The following SCFD2 variants were observed in gnomAD, a reference collection of about 807,000 sequenced individuals.
The protein encoded by SCFD2 is sec1 family domain-containing protein 2.
A neutral mutation model predicts 58.9 loss-of-function variants in SCFD2; 54 were observed. That is an observed-to-expected ratio of 0.92 (90% confidence interval 0.74 to 1.15). The LOEUF (loss-of-function observed/expected upper bound fraction) is 1.15. SCFD2 is among the 50% of genes most tolerant of loss of function. The pLI is 0.00. For synonymous variants in SCFD2, 321 were observed against 335.9 expected (o/e 0.96, Z 0.49); for missense variants, 805 against 836.6 (o/e 0.96, Z 0.47).
intron 5 of SCFD2, among the ~76,000 whole-genome samples, chr4:52,931,700 T>A (rs1203030403): frequency 6.6e-6 from 1 of 152,132 alleles, no homozygotes; most frequent in African/African-American, 2.4e-5. Context: ...ATTTCCCCAG[T>A]GTATAGTTTC....
intron 5 of SCFD2, chr4:52,955,935 G>C: frequency 2.5e-6 from 1 of 397,170 alleles, no homozygotes; most frequent in Non-Finnish European, 5.0e-6. Context: ...AAGGACAGAA[G>C]ATAATCCCTT....
At chr4:53,298,997 A>G (rs371269366) in intron 3 of SCFD2, among the ~76,000 whole-genome samples, 2 of 152,192 alleles carry the variant, frequency 1.3e-5, no homozygotes, top group African/African-American at 4.8e-5. Context: ...GATGGGGAAA[A>G]AACAGAGCAG....
At chr4:53,144,315 AATATATGTGTGT>A (rs1222095256) in intron 5 of SCFD2, among the ~76,000 whole-genome samples, 1 of 151,190 alleles carries the variant, frequency 6.6e-6, no homozygotes, top group Non-Finnish European at 1.5e-5. Flanking sequence ...ACACATATGT[AATATATGTGTGT>A]ATATATGTGT....
chr4:53,123,187 C>G (rs1235156121), intron 5 of SCFD2, among the ~76,000 whole-genome samples: 2 of 152,054 alleles, frequency 1.3e-5, no homozygotes, highest in Non-Finnish European at 2.9e-5. Context: ...ATGTTTCTGT[C>G]CCCCCATTTC....
chr4:52,989,958 C>G (rs1721582283), intron 5 of SCFD2, among the ~76,000 whole-genome samples: 1 of 152,326 alleles, frequency 6.6e-6, no homozygotes. Context: ...CCCTCCCTCC[C>G]ATCCTTCATG....
intron 3 of SCFD2, among the ~76,000 whole-genome samples, chr4:53,286,157 G>A (rs942457599): frequency 2.6e-5 from 4 of 152,176 alleles, no homozygotes; most frequent in Non-Finnish European, 4.4e-5. Flanking sequence ...GTTCCCTAAG[G>A]GGCACTCCAT....
At chr4:52,901,217 C>A (rs1560475313) in intron 7 of SCFD2, among the ~76,000 whole-genome samples, 1 of 152,210 alleles carries the variant, frequency 6.6e-6, no homozygotes, top group Non-Finnish European at 1.5e-5. Flanking sequence ...GCAGAAACCA[C>A]CCATCTTCTG....
At chr4:53,090,463 A>G (rs1724436514) in intron 5 of SCFD2, among the ~76,000 whole-genome samples, 1 of 152,188 alleles carries the variant, frequency 6.6e-6, no homozygotes, top group African/African-American at 2.4e-5. Context: ...CATTGAGGGC[A>G]GTGATTGTAT....
Position 53,118,820 on chromosome 4 carries a change from T to G in SCFD2, c.1561+26513A>C, listed in dbSNP as rs563689644. ...ACTGCCACACTATATCTATTCCCTC[T>G]TATAATCTACAAGGCATCTACGTAA... On this transcript the variant is annotated intron_variant, in intron 5 of 8. Transcript: ENST00000401642. Among the ~76,000 whole-genome samples the G allele has an allele frequency of 7.7e-4, 118 of 152,282 alleles. No homozygotes were observed. In the Middle Eastern group the frequency reaches 0.014, roughly 18 times the overall value.
At position 53,230,538 on chromosome 4, in the gene SCFD2, C is replaced by T. The variant is rs577772335; in HGVS notation, c.1311+43288G>A. On this transcript the variant is annotated intron_variant, in intron 4 of 8. Transcript: ENST00000401642. ...ATCGCAAGGACAAAAAACCAAACACCGCATGTTCTCACTCATAGGTGGGAA... is the reference window on the plus strand; with the variant it reads ...ATCGCAAGGACAAAAAACCAAACACTGCATGTTCTCACTCATAGGTGGGAA... 3.4e-5 allele frequency among the ~76,000 whole-genome samples: 5 copies of T among 147,538 alleles called. No homozygotes were observed. In the South Asian group the frequency reaches 6.4e-4, roughly 19 times the overall value.
At chr4:53,181,525 T>C (rs1056781296) in intron 4 of SCFD2, among the ~76,000 whole-genome samples, 1 of 152,166 alleles carries the variant, frequency 6.6e-6, no homozygotes, top group Non-Finnish European at 1.5e-5. Flanking sequence ...AAGAGCTATC[T>C]ATAACAAACC....
chr4:53,045,196 C>G (rs955783181), intron 5 of SCFD2, among the ~76,000 whole-genome samples: 1 of 152,076 alleles, frequency 6.6e-6, no homozygotes, highest in Non-Finnish European at 1.5e-5. Flanking sequence ...TTTACTGTTT[C>G]CTTTGTACGA....
intron 5 of SCFD2, among the ~76,000 whole-genome samples, chr4:53,055,402 A>G (rs1372473835): frequency 6.6e-6 from 1 of 152,116 alleles, no homozygotes. Flanking sequence ...CCCTGTGTTC[A>G]CTTATAGCAT....
chr4:53,057,052 G>A lies in SCFD2; in HGVS notation c.1561+88281C>T, dbSNP rs184286034. Among the ~76,000 whole-genome samples the A allele has an allele frequency of 2.8e-4, 42 of 152,268 alleles. No individual in the cohort carries two copies. In the East Asian group the frequency reaches 5.8e-3, roughly 21 times the overall value. ...ATACAAAAATTAGCCAGGCGTGGTA[G>A]TGCAGGTCTGTAATCCCAGCTACTC... On this transcript the variant is annotated intron_variant, in intron 5 of 8. Transcript: ENST00000401642.
chr4:53,229,839 A>T (rs1440926411), intron 4 of SCFD2, among the ~76,000 whole-genome samples: 2 of 152,238 alleles, frequency 1.3e-5, no homozygotes, highest in African/African-American at 4.8e-5. Flanking sequence ...CAGGCAACCT[A>T]CAGAATGGGA....
chr4:53,209,502 A>C (rs750117294), intron 4 of SCFD2, among the ~76,000 whole-genome samples: 1 of 152,116 alleles, frequency 6.6e-6, no homozygotes, highest in Non-Finnish European at 1.5e-5. Flanking sequence ...TATAGTGTTA[A>C]TAGTGGGTCA....
chr4:53,307,680 TAA>T (rs1732559379), intron 3 of SCFD2, among the ~76,000 whole-genome samples: 1 of 152,152 alleles, frequency 6.6e-6, no homozygotes, highest in Admixed American at 6.5e-5. Context: ...TTGAAATTAT[TAA>T]AACTTACAAA....
intron 7 of SCFD2, among the ~76,000 whole-genome samples, chr4:52,897,755 G>A (rs990596654): frequency 3.3e-5 from 5 of 152,158 alleles, no homozygotes; most frequent in African/African-American, 1.2e-4. Flanking sequence ...TGTACCTCTG[G>A]TAGAATTCAA....
At chr4:53,250,773 A>C (rs1289784123) in intron 4 of SCFD2, among the ~76,000 whole-genome samples, 1 of 152,264 alleles carries the variant, frequency 6.6e-6, no homozygotes, top group Admixed American at 6.5e-5. Context: ...ATAGCACTAA[A>C]TGCCCACAAG....
Sources: gnomAD v4.1 joint callset for allele counts (sites outside exome capture counted in the v4.1 genomes callset) on GRCh38, gnomAD v4.1.1 for gene constraint, MANE v1.5 for transcripts, NCBI Gene and HGNC (gene_info 2026-07-23, HGNC 2026-07-21) for gene names.